Variants in SULT1B1 observed in about 807,000 individuals in gnomAD.
SULT1B1 encodes the protein sulfotransferase 1B1.
In SULT1B1, 28 loss-of-function variants were observed where a neutral mutation model predicts 34.6. The observed-to-expected ratio is 0.81, with a 90% CI of 0.60 to 1.11. The LOEUF (loss-of-function observed/expected upper bound fraction) is 1.11. Among genes scored for constraint, SULT1B1 ranks in the 50% least tolerant of loss-of-function variants. The probability of loss-of-function intolerance (pLI) is 0.00; values close to 1 mark genes in which losing one functional copy is unlikely to be tolerated. For missense variants in SULT1B1, 374 were observed against 352.2 expected (o/e 1.06, Z -0.50); for synonymous variants, 147 against 110.2 (o/e 1.33, Z -2.09).
chr4:69,728,678 A>G (rs540853270), intron 7 of SULT1B1, among the ~76,000 whole-genome samples: 1 of 152,150 alleles, frequency 6.6e-6, no homozygotes, highest in South Asian at 2.1e-4. Context: ...GGAAGGAAGG[A>G]AGGTCAAACT....
intron 4 of SULT1B1, among the ~76,000 whole-genome samples, chr4:69,735,775 C>T (rs1718280941): frequency 6.6e-6 from 1 of 152,166 alleles, no homozygotes; most frequent in African/African-American, 2.4e-5. Context: ...AAAAAAGCGT[C>T]AACATTCCAT....
chr4:69,755,349 C>T, intron 1 of SULT1B1, 88 bp from the exon 2 acceptor site: 11 of 1,002,146 alleles, frequency 1.1e-5, no homozygotes, highest in Non-Finnish European at 1.6e-5. Context: ...TAAAATTGGC[C>T]TTTAACATTC....
In SULT1B1 at chr4:69,754,814, A is replaced by C. The variant is rs1466617672; in HGVS notation, c.149-16T>G. The C allele has an allele frequency of 2.5e-6, 4 of 1,606,926 alleles. No individual in the cohort carries two copies. Among genetic ancestry groups the C allele is most frequent in the Middle Eastern group, 3.3e-4 (2 of 6,040 alleles). On this transcript the variant is annotated splice_polypyrimidine_tract_variant and intron_variant, in intron 2 of 7. Transcript: ENST00000310613. ...CAAGTAGTACCTGTGACAAAAGGCA[A>C]CATTTTCAAAATAATTACCCAAATT...
Position 69,733,491 on chromosome 4 carries a change from C to A in SULT1B1, c.519G>T (p.Trp173Cys). The part of the protein sequence containing the change: ...FLTGKVAYGS[W>C]FTHVKNWWKK... ...TCCACCAGTTTTTAACATGAGTAAA[C>A]CAGGAACCATAGGCCACTAAAACCA... is the stretch of plus-strand genomic sequence containing the variant. The change falls in exon 6 of 8, where the codon TGG becomes TGT. Residue 173 changes from tryptophan (W) to cysteine (C), a missense_variant. Transcript: ENST00000310613. The A allele has an allele frequency of 1.6e-5, 26 of 1,605,496 alleles. No homozygotes were observed. Among genetic ancestry groups the A allele is most frequent in the Non-Finnish European group, 2.1e-5 (25 of 1,176,802 alleles).
In SULT1B1 at chr4:69,724,315, G is replaced by T. The variant is rs1717741275; in HGVS notation, c.*2773C>A. 1 of 152,094 alleles carries T rather than the reference G, an allele frequency of 6.6e-6. No homozygotes were observed. Among genetic ancestry groups the T allele is most frequent in the South Asian group, 2.1e-4 (1 of 4,828 alleles). The allele number at this position is 152,094 out of a possible 1,614,324, so 9.4% of individuals were successfully genotyped here. A position where few individuals can be genotyped will look rare whatever the true frequency, so the allele number is the denominator to read the frequency against. On this transcript the variant is annotated 3_prime_UTR_variant, in exon 8 of 8. Coordinates refer to ENST00000310613, the MANE Select transcript of SULT1B1 (RefSeq NM_014465.4). ...AATACCTAGGAATCCAACTTACAAG[G>T]GATGTGAAGGATCACTTCAAGGAGA...
chr4:69,725,244 T>A lies in SULT1B1; in HGVS notation c.*1844A>T, dbSNP rs1047994913. 6.6e-6 allele frequency: 1 copy of A among 152,042 alleles called. No homozygotes were observed. Among genetic ancestry groups the A allele is most frequent in the Admixed American group, 6.5e-5 (1 of 15,270 alleles). 9.4% of individuals were successfully genotyped at this position (152,042 alleles called of 1,614,324 possible). On this transcript the variant is annotated 3_prime_UTR_variant, in exon 8 of 8. Transcript: ENST00000310613. Reference sequence around the variant, plus strand: ...CAGATACTTCTCAAAAGAAGACATTTATGCAGCCAACAGACACATGAAAAA... The same window carrying A: ...CAGATACTTCTCAAAAGAAGACATTAATGCAGCCAACAGACACATGAAAAA...
At chr4:69,740,300 T>C (rs1718494085) in intron 4 of SULT1B1, among the ~76,000 whole-genome samples, 1 of 152,212 alleles carries the variant, frequency 6.6e-6, no homozygotes, top group Non-Finnish European at 1.5e-5. Flanking sequence ...CAGTTTCCTA[T>C]TGCTTGCAAG....
At chr4:69,729,306 T>A (rs1169113731) in intron 7 of SULT1B1, among the ~76,000 whole-genome samples, 2 of 152,018 alleles carry the variant, frequency 1.3e-5, no homozygotes, top group East Asian at 3.9e-4. Context: ...ATTTGCATGA[T>A]GAGAAACCCA....
Position 69,744,297 on chromosome 4 carries a change from G to A in SULT1B1, c.375+5424C>T, listed in dbSNP as rs115216896. Reference sequence around the variant, plus strand: ...CTCTGTGTTTCCCCTCAGCGGAGGCGCAGCGGCCCTGGCCAACTTTGTACA... The same window carrying A: ...CTCTGTGTTTCCCCTCAGCGGAGGCACAGCGGCCCTGGCCAACTTTGTACA... On this transcript the variant is annotated intron_variant, in intron 4 of 7. Coordinates refer to ENST00000310613, the MANE Select transcript of SULT1B1 (RefSeq NM_014465.4). Among the ~76,000 whole-genome samples the A allele has an allele frequency of 1.0e-3, 152 of 152,282 alleles. 1 individual carries two copies. The highest frequency in any genetic ancestry group is 3.3e-3 in the African/African-American group (139 of 41,560).
In SULT1B1 at chr4:69,730,594, A is replaced by T; in HGVS notation, c.685T>A (p.Ser229Thr). Residue 229 changes from serine to threonine, a missense_variant, in exon 7 of 8, where the codon TCA (serine) becomes ACA (threonine). By Grantham distance (58) the Ser-to-Thr change is moderately conservative. Transcript: ENST00000310613. ...EILDRIIHHT[S>T]FEVMKDNPLV... ...GGATTGTCCTTCATCACTTCAAATG[A>T]GGTGTGATGGATGATCCTATCCAAG... 1 of 1,613,090 alleles carries T rather than the reference A, an allele frequency of 6.2e-7. No homozygotes were observed. The highest frequency in any genetic ancestry group is 8.5e-7 in the Non-Finnish European group (1 of 1,179,412).
chr4:69,734,251 G>C lies in SULT1B1; in HGVS notation c.389C>G (p.Ala130Gly), dbSNP rs770322544. 4.3e-6 allele frequency: 7 copies of C among 1,611,184 alleles called. No individual in the cohort carries two copies. Among genetic ancestry groups the C allele is most frequent in the South Asian group, 1.1e-5 (1 of 90,678 alleles). Residue 130 changes from alanine (A) to glycine (G), a missense_variant, in exon 5 of 8, where the codon GCT (alanine) becomes GGT (glycine). Coordinates refer to ENST00000310613, the MANE Select transcript of SULT1B1 (RefSeq NM_014465.4). The stretch of plus-strand genomic sequence containing the variant: ...GACTGAAACATCCTTGGCATTACGA[G>C]CCAGATAAATCATCTGCAGTGGGGG... ...WENNCKMIYLARNAKDVSVSY... is the reference protein window; with the variant it reads ...WENNCKMIYLGRNAKDVSVSY...
At chr4:69,736,086 G>A (rs1718299202) in intron 4 of SULT1B1, among the ~76,000 whole-genome samples, 1 of 152,168 alleles carries the variant, frequency 6.6e-6, no homozygotes, top group African/African-American at 2.4e-5. Context: ...ATTGAACTCA[G>A]TGCTGCCCTG....
chr4:69,753,503 C>T (rs1719062838), intron 3 of SULT1B1, among the ~76,000 whole-genome samples: 1 of 152,142 alleles, frequency 6.6e-6, no homozygotes, highest in South Asian at 2.1e-4. Flanking sequence ...AATTACAAGT[C>T]CTACATGGTC....
intron 3 of SULT1B1, among the ~76,000 whole-genome samples, chr4:69,753,636 A>G (rs1047862238): frequency 1.3e-5 from 2 of 152,178 alleles, no homozygotes; most frequent in African/African-American, 4.8e-5. Context: ...ATCCTGGGAT[A>G]TTCTTTCCCC....
intron 4 of SULT1B1, among the ~76,000 whole-genome samples, chr4:69,745,301 G>T (rs1480492303): frequency 3.3e-5 from 5 of 152,148 alleles, no homozygotes; most frequent in Non-Finnish European, 7.3e-5. Flanking sequence ...TGTCAGTGTG[G>T]TGTTGAAGTC....
chr4:69,741,653 G>A (rs1234161007), intron 4 of SULT1B1, among the ~76,000 whole-genome samples: 1 of 152,252 alleles, frequency 6.6e-6, no homozygotes, highest in East Asian at 1.9e-4. Context: ...TATTGTGAAT[G>A]AGATTACGTT....
rs1362922533 is a variant in SULT1B1 at position 69,721,517 on chromosome 4, T to C, written c.*5571A>G. The stretch of plus-strand genomic sequence containing the variant: ...AGGAATTACAAAATATGGAGAAGGG[T>C]TGTATGTTGATTAATGGTGAAATGG... On this transcript the variant is annotated 3_prime_UTR_variant, in exon 8 of 8. Coordinates refer to ENST00000310613, the MANE Select transcript of SULT1B1 (RefSeq NM_014465.4). 2 of 152,016 alleles carry C rather than the reference T, an allele frequency of 1.3e-5. No homozygotes were observed. Among genetic ancestry groups the C allele is most frequent in the East Asian group, 3.9e-4 (2 of 5,190 alleles). 9.4% of individuals were successfully genotyped at this position (152,016 alleles called of 1,614,324 possible). A position where few individuals can be genotyped will look rare whatever the true frequency, so the allele number is the denominator to read the frequency against.
intron 3 of SULT1B1, among the ~76,000 whole-genome samples, chr4:69,753,192 C>T (rs926517906): frequency 6.6e-6 from 1 of 152,150 alleles, no homozygotes; most frequent in African/African-American, 2.4e-5. Flanking sequence ...AACCCTACAC[C>T]CAAATGTGTT....
At chr4:69,752,756 T>C (rs1719025666) in intron 3 of SULT1B1, among the ~76,000 whole-genome samples, 1 of 152,214 alleles carries the variant, frequency 6.6e-6, no homozygotes, top group South Asian at 2.1e-4. Flanking sequence ...GGCACCTCCA[T>C]TATAGAAGAG....
Sources: gnomAD v4.1 joint callset for allele counts (sites outside exome capture counted in the v4.1 genomes callset) on GRCh38, gnomAD v4.1.1 for gene constraint, MANE v1.5 for transcripts, NCBI Gene and HGNC (gene_info 2026-07-23, HGNC 2026-07-21) for gene names.